The following EXOC4 variants were observed in gnomAD, a reference collection of about 807,000 sequenced individuals.
EXOC4 encodes exocyst complex component 4.
In EXOC4, 71 loss-of-function variants were observed where a neutral mutation model predicts 107.2. That is an observed-to-expected ratio of 0.66 (90% confidence interval 0.55 to 0.81). The LOEUF is 0.81. Among genes scored for constraint, EXOC4 ranks in the 30% least tolerant of loss-of-function variants. EXOC4 has a pLI of 0.00. For synonymous variants in EXOC4, 456 were observed against 441.2 expected (o/e 1.03, Z -0.42); for missense variants, 1,108 against 1,189.6 (o/e 0.93, Z 1.01).
At chr7:133,359,868 A>G (rs1473638458) in intron 6 of EXOC4, among the ~76,000 whole-genome samples, 1 of 152,088 alleles carries the variant, frequency 6.6e-6, no homozygotes, top group Non-Finnish European at 1.5e-5. Context: ...ATTTTATTTT[A>G]TTTTGTTTTT....
chr7:133,280,976 A>T (rs536646445), intron 2 of EXOC4, among the ~76,000 whole-genome samples: 59 of 152,292 alleles, frequency 3.9e-4, no homozygotes, highest in Non-Finnish European at 5.9e-5. Flanking sequence ...AGAGCACATT[A>T]ATGCAGTTGC....
At chr7:133,623,882 A>G (rs998790291) in intron 9 of EXOC4, among the ~76,000 whole-genome samples, 2 of 152,200 alleles carry the variant, frequency 1.3e-5, no homozygotes, top group African/African-American at 4.8e-5. Context: ...TAATGATCGC[A>G]TGTGCTTTAA....
intron 10 of EXOC4, among the ~76,000 whole-genome samples, chr7:133,789,130 A>G (rs1796651227): frequency 6.6e-6 from 1 of 152,180 alleles, no homozygotes. Context: ...AGATTATGGC[A>G]CTTCGTCAGG....
chr7:133,851,634 T>C (rs183859804), intron 11 of EXOC4, among the ~76,000 whole-genome samples: 1 of 152,194 alleles, frequency 6.6e-6, no homozygotes, highest in East Asian at 1.9e-4. Context: ...GGCTCTATGG[T>C]GAACATGAGT....
chr7:133,985,240 C>T (rs570259254), intron 14 of EXOC4, among the ~76,000 whole-genome samples: 10 of 152,238 alleles, frequency 6.6e-5, no homozygotes, highest in African/African-American at 2.2e-4. Context: ...AATGGTACCG[C>T]ATAAAAGAAA....
intron 11 of EXOC4, among the ~76,000 whole-genome samples, chr7:133,836,880 A>C (rs1206628357): frequency 6.6e-6 from 1 of 152,052 alleles, no homozygotes; most frequent in Non-Finnish European, 1.5e-5. Flanking sequence ...TTCACCCTGG[A>C]ATATAATTGC....
chr7:133,887,138 T>C (rs902540660), intron 11 of EXOC4, among the ~76,000 whole-genome samples: 1 of 152,224 alleles, frequency 6.6e-6, no homozygotes, highest in Non-Finnish European at 1.5e-5. Flanking sequence ...CCAGTGGGTA[T>C]GCAGAGGTGT....
intron 9 of EXOC4, among the ~76,000 whole-genome samples, chr7:133,536,508 G>A (rs1800272575): frequency 6.6e-6 from 1 of 151,662 alleles, no homozygotes; most frequent in African/African-American, 2.4e-5. Flanking sequence ...ACTTTTTCCA[G>A]TCATACCCAT....
At chr7:133,668,372 G>A (rs988909519) in intron 10 of EXOC4, among the ~76,000 whole-genome samples, 4 of 152,044 alleles carry the variant, frequency 2.6e-5, no homozygotes, top group Non-Finnish European at 4.4e-5. Context: ...CTATAAGCAG[G>A]GCACCCCATT....
intron 14 of EXOC4, among the ~76,000 whole-genome samples, chr7:133,971,383 G>T (rs1801229206): frequency 7.1e-5 from 10 of 140,960 alleles, no homozygotes; most frequent in Middle Eastern, 3.4e-3. Context: ...GAGAGAGAGA[G>T]AGAGAGAGAG....
At chr7:133,722,108 C>A (rs1041097834) in intron 10 of EXOC4, among the ~76,000 whole-genome samples, 2 of 152,330 alleles carry the variant, frequency 1.3e-5, no homozygotes, top group Admixed American at 1.3e-4. Flanking sequence ...GGCACGCAAA[C>A]AGGAGGTCAG....
chr7:133,312,456 A>G (rs949563129), intron 4 of EXOC4, among the ~76,000 whole-genome samples: 1 of 152,174 alleles, frequency 6.6e-6, no homozygotes, highest in Non-Finnish European at 1.5e-5. Context: ...GAGGTGGGGA[A>G]TAGGGAGGTA....
intron 9 of EXOC4, among the ~76,000 whole-genome samples, chr7:133,586,583 C>A (rs1801410006): frequency 6.6e-6 from 1 of 152,146 alleles, no homozygotes; most frequent in Non-Finnish European, 1.5e-5. Flanking sequence ...GATGACCATA[C>A]ATGTGCATGT....
At chr7:133,720,547 C>CT (rs376625412) in intron 10 of EXOC4, among the ~76,000 whole-genome samples, 77 of 152,080 alleles carry the variant, frequency 5.1e-4, no homozygotes, top group African/African-American at 1.8e-3. Flanking sequence ...AAAATAGTCC[C>CT]TTTTGGAATA....
At chr7:133,393,028 A>T (rs1415688646) in intron 7 of EXOC4, among the ~76,000 whole-genome samples, 1 of 152,114 alleles carries the variant, frequency 6.6e-6, no homozygotes, top group East Asian at 1.9e-4. Context: ...TCCTCTAAAT[A>T]TGACTCTGTC....
intron 9 of EXOC4, among the ~76,000 whole-genome samples, chr7:133,536,894 T>C (rs1022538125): frequency 6.6e-6 from 1 of 152,116 alleles, no homozygotes; most frequent in Non-Finnish European, 1.5e-5. Context: ...GTAAGACATA[T>C]GCTTCTCTTT....
chr7:133,765,844 G>GT (rs1326682484), intron 10 of EXOC4, among the ~76,000 whole-genome samples: 1 of 151,708 alleles, frequency 6.6e-6, no homozygotes, highest in African/African-American at 2.4e-5. Flanking sequence ...CTCTCTTTTT[G>GT]TACTCAAAGT....
chr7:133,698,622 A>G (rs1239032881), intron 10 of EXOC4, among the ~76,000 whole-genome samples: 2 of 151,936 alleles, frequency 1.3e-5, no homozygotes, highest in African/African-American at 4.8e-5. Context: ...ATATACAACT[A>G]TTTTTTCACA....
intron 11 of EXOC4, among the ~76,000 whole-genome samples, chr7:133,848,859 C>A (rs1225678139): frequency 6.6e-6 from 1 of 152,166 alleles, no homozygotes; most frequent in Non-Finnish European, 1.5e-5. Context: ...TAGTTCAGTT[C>A]TGCAGCTCTC....
Sources: allele counts gnomAD v4.1 joint callset (sites outside exome capture counted in the v4.1 genomes callset), GRCh38; gene constraint gnomAD v4.1.1; transcripts MANE v1.5; gene names NCBI Gene and HGNC (gene_info 2026-07-23, HGNC 2026-07-21).